CES1: variants seen among roughly 807,000 people sequenced by gnomAD.
CES1 encodes the protein liver carboxylesterase 1.
A neutral mutation model predicts 53.0 loss-of-function variants in CES1; 50 were observed. That is an observed-to-expected ratio of 0.94 (90% CI 0.75 to 1.19). The LOEUF is 1.19. Among genes scored for constraint, CES1 ranks in the 50% most tolerant of loss-of-function variants. The pLI is 0.00. For missense variants in CES1, 534 were observed against 538.0 expected, an observed-to-expected ratio of 0.99 and a Z score of 0.07; for synonymous variants, 202 against 210.1, an observed-to-expected ratio of 0.96 and a Z score of 0.33.
chr16:55,808,492 T>G (rs8192950), intron 11 of CES1, among the ~76,000 whole-genome samples: 76,930 of 150,922 alleles, frequency 0.51, 21,798 homozygotes, highest in Non-Finnish European at 0.64. Flanking sequence ...ATGCTAATTT[T>G]TAATCTTAGC....
intron 1 of CES1, among the ~76,000 whole-genome samples, chr16:55,832,752 G>T (rs1180790530): frequency 6.6e-6 from 1 of 152,236 alleles, no homozygotes; most frequent in Admixed American, 6.5e-5. Flanking sequence ...TGCGGCCTGA[G>T]GTGGGCCGGC....
At chr16:55,821,628 T>A (rs1402118744) in intron 4 of CES1, 107 bp from the exon 5 acceptor site, 6 of 1,251,638 alleles carry the variant, frequency 4.8e-6, no homozygotes, top group African/African-American at 1.5e-5. Flanking sequence ...AGAATAAGGC[T>A]GGGCTTCAGC....
rs576295379 is a variant in CES1, at chr16:55,812,966, A to C, written c.1023T>G (p.Asn341Lys). ...KTPEELQAER[N>K]FHTVPYMVGI... ...CGACCATGTAGGGGACAGTGTGGAA[A>C]TTCCTTTCAGCTTGAAGCTCTTCAG... The change falls in exon 9 of 14, where the codon AAT (asparagine) becomes AAG (lysine). Residue 341 changes from asparagine to lysine, a missense_variant. Around this residue, in one of 5 missense-constraint regions of CES1, gnomAD observed 269 missense variants for 206.6 expected, o/e 1.30. Coordinates refer to ENST00000360526, the MANE Select transcript of CES1 (RefSeq NM_001025195.2). 595 of 1,614,036 alleles carry C rather than the reference A, an allele frequency of 3.7e-4. 6 individuals carry two copies. The South Asian group carries it at 4.7e-3, about 13-fold the overall frequency.
intron 3 of CES1, among the ~76,000 whole-genome samples, chr16:55,825,169 A>G (rs2032367886): frequency 7.5e-6 from 1 of 132,846 alleles, no homozygotes; most frequent in African/African-American, 3.1e-5. Flanking sequence ...CTGAGTACAC[A>G]ATAGAAGAAT....
At chr16:55,814,003 G>C (rs1225103563) in intron 8 of CES1, among the ~76,000 whole-genome samples, 2 of 152,204 alleles carry the variant, frequency 1.3e-5, no homozygotes, top group African/African-American at 4.8e-5. Flanking sequence ...TATTGATTTG[G>C]GGGTTATAAG....
intron 1 of CES1, among the ~76,000 whole-genome samples, chr16:55,830,815 A>AGGCAGGCAGGCAGGC (rs2032626466): frequency 8.1e-6 from 1 of 123,664 alleles, no homozygotes; most frequent in African/African-American, 3.9e-5. Flanking sequence ...GGAAGGAAGG[A>AGGCAGGCAGGCAGGC]AGGAAGGCAG....
chr16:55,812,763 G>T lies in CES1; in HGVS notation c.1086+140C>A, dbSNP rs549553509. ...CTGTGCCCTCCTGGAGAAGATTTCC[G>T]TGGAAATGTTAACTCCTGCTGAAGG... On this transcript the variant is annotated intron_variant, in intron 9 of 13. Coordinates refer to ENST00000360526, the MANE Select transcript of CES1 (RefSeq NM_001025195.2). 27 of 1,239,278 alleles carry T rather than the reference G, an allele frequency of 2.2e-5. No homozygotes were observed. In the African/African-American group the frequency reaches 3.8e-4, roughly 17 times the overall value. 76.8% of individuals were successfully genotyped at this position (1,239,278 alleles called of 1,614,324 possible).
rs2032184870 is a variant in CES1 at position 55,821,381 on chromosome 16, C to G, written c.680G>C (p.Ser227Thr). ...TIFGESAGGE[S>T]VSVLVLSPLA... ...AGGAAAACTCACAAGAACAGAGACA[C>G]TTTCTCCTCCCGCTGACTCTCCAAA... The change falls in exon 5 of 14, where the codon AGT (serine) becomes ACT (threonine). Residue 227 changes from serine to threonine, a missense_variant. Physicochemically the swap from Ser to Thr is moderately conservative, Grantham distance 58. Around this residue, in one of 5 missense-constraint regions of CES1, gnomAD observed 85 missense variants for 81.9 expected, o/e 1.04. Transcript: ENST00000360526. The G allele has an allele frequency of 1.9e-6, 3 of 1,614,206 alleles. No individual in the cohort carries two copies. The highest frequency in any genetic ancestry group is 1.7e-5 in the Admixed American group (1 of 60,026).
At chr16:55,828,213 G>A (rs867212440) in intron 2 of CES1, 1 of 197,014 alleles carries the variant, frequency 5.1e-6, no homozygotes, top group Non-Finnish European at 1.1e-5. Context: ...AGCTTGGCCA[G>A]GGTGAATGGA....
intron 4 of CES1, 75 bp from the exon 5 acceptor site, chr16:55,821,596 A>G (rs1277878931): frequency 1.6e-5 from 25 of 1,525,920 alleles, no homozygotes; most frequent in Non-Finnish European, 2.2e-5. Context: ...AGATGGGGCT[A>G]GGGGTTCTCA....
At chr16:55,827,995 AT>A (rs2032483919) in intron 2 of CES1, 1 of 152,504 alleles carries the variant, frequency 6.6e-6, no homozygotes, top group African/African-American at 2.4e-5. Context: ...TGTAATAAGT[AT>A]ATATTACATT....
chr16:55,815,441 G>A (rs1223905171), intron 8 of CES1, among the ~76,000 whole-genome samples: 2 of 152,242 alleles, frequency 1.3e-5, no homozygotes, highest in Non-Finnish European at 1.5e-5. Context: ...AGAGACGGGA[G>A]CACCTCAGTT....
intron 5 of CES1, among the ~76,000 whole-genome samples, chr16:55,821,051 A>C (rs1216261452): frequency 1.5e-5 from 2 of 136,804 alleles, no homozygotes; most frequent in Non-Finnish European, 3.2e-5. Context: ...CTTATGTTAA[A>C]ATGAGTGTGA....
intron 7 of CES1, among the ~76,000 whole-genome samples, chr16:55,819,130 T>C (rs113442634): frequency 2.0e-5 from 3 of 152,254 alleles, no homozygotes; most frequent in African/African-American, 7.2e-5. Context: ...GGACCACCAC[T>C]AGGTCTAATA....
At position 55,810,650 on chromosome 16, in the gene CES1, T is replaced by G. The variant is rs1597065736; in HGVS notation, c.1185A>C (p.Glu395Asp). ...KSYPLVCIAK[E>D]LIPEATEKYL... ...ATTTCTCAGTGGCTTCTGGAATCAG[T>G]TCCTTAGCAATGCACTGAAATAGAT... The change falls in exon 11 of 14, where the codon GAA becomes GAC. Residue 395 changes from glutamate (E) to aspartate (D), a missense_variant. Transcript: ENST00000360526. 1.2e-6 allele frequency: 2 copies of G among 1,614,190 alleles called. No homozygotes were observed. The highest frequency in any genetic ancestry group is 1.7e-6 in the Non-Finnish European group (2 of 1,180,040).
rs1213162651 is a variant in CES1 at position 55,826,228 on chromosome 16, G to T, written c.328C>A (p.Pro110Thr). ...AGACAGTCTTCAGAAAGCTTGAGAG[G>T]AATGTTCTCCTTTCGGTTTGTAAAT... ...ELFTNRKENIPLKLSEDCLYL... is the reference protein window; with the variant it reads ...ELFTNRKENITLKLSEDCLYL... Residue 110 changes from proline (P) to threonine (T), a missense_variant, in exon 3 of 14, where the codon CCT becomes ACT. Physicochemically the swap from Pro to Thr is conservative, Grantham distance 38. Coordinates refer to ENST00000360526, the MANE Select transcript of CES1 (RefSeq NM_001025195.2). 4 of 1,613,982 alleles carry T rather than the reference G, an allele frequency of 2.5e-6. No individual in the cohort carries two copies. The highest frequency in any genetic ancestry group is 1.7e-5 in the Admixed American group (1 of 60,020).
chr16:55,821,463 G>T lies in CES1; in HGVS notation c.598C>A (p.Arg200Ser), dbSNP rs563293177. 1.7e-5 allele frequency: 27 copies of T among 1,614,046 alleles called. No individual in the cohort carries two copies. In the African/African-American group the frequency reaches 2.1e-4, roughly 13 times the overall value. ...CTGGCAATGTTGTCCTGGACCCAGC[G>T]CAGGGCAGCCACCTGGTCCAGGTGA... is the stretch of plus-strand genomic sequence containing the variant. ...WGHLDQVAAL[R>S]WVQDNIASFG... Residue 200 changes from arginine to serine, a missense_variant, in exon 5 of 14, where the codon CGC becomes AGC. By Grantham distance (110) the Arg-to-Ser change is moderately radical. Transcript: ENST00000360526.
At position 55,810,327 on chromosome 16, in the gene CES1, AT is replaced by A. The variant is rs543946366; in HGVS notation, c.1318+189del. Among the ~76,000 whole-genome samples, 647 of 151,494 alleles carry A rather than the reference AT, an allele frequency of 4.3e-3. 6 individuals are homozygous for A. The highest frequency in any genetic ancestry group is 0.015 in the African/African-American group (610 of 41,252). On this transcript the variant is annotated intron_variant, in intron 11 of 13. Coordinates refer to ENST00000360526, the MANE Select transcript of CES1 (RefSeq NM_001025195.2). ...CCTTAAAAAAACCACTTGCCTCTGG[AT>A]TTTTTTTTCTCACAGTCTTCTGCTG...
Position 55,816,927 on chromosome 16 carries a change from T to A in CES1, c.942A>T (p.Arg314Ser). The part of the protein sequence containing the change: ...FLSLDLQGDP[R>S]ESQPLLGTVI... The stretch of plus-strand genomic sequence containing the variant: ...TCCAGAAACAAAAGGTCCTTACCTC[T>A]CTGGGGTCTCCCTGTAAGTCCAGAG... Residue 314 changes from arginine to serine, a missense_variant, in exon 8 of 14, where the codon AGA becomes AGT. By Grantham distance (110) the Arg-to-Ser change is moderately radical. Coordinates refer to ENST00000360526, the MANE Select transcript of CES1 (RefSeq NM_001025195.2). 6.2e-7 allele frequency: 1 copy of A among 1,614,102 alleles called. No individual in the cohort carries two copies. Among genetic ancestry groups the A allele is most frequent in the Admixed American group, 1.7e-5 (1 of 60,020 alleles).
Sources: gnomAD v4.1 joint callset for allele counts (sites outside exome capture counted in the v4.1 genomes callset) on GRCh38, gnomAD v4.1.1 for gene constraint, gnomAD v4.1.1 regional missense constraint, MANE v1.5 for transcripts, NCBI Gene and HGNC (gene_info 2026-07-23, HGNC 2026-07-21) for gene names.